The following CTXN2 variants were observed in gnomAD, a reference collection of about 807,000 sequenced individuals.
CTXN2 encodes cortexin 2, also known as cortexin-2.
CTXN2 carries 3 observed loss-of-function variants against 5.7 expected under a neutral mutation model. The observed-to-expected ratio is 0.53, with a 90% CI of 0.24 to 1.36. The LOEUF is 1.36. Ranked by LOEUF, CTXN2 falls within the 40% of genes most tolerant of loss-of-function variation. The probability of loss-of-function intolerance (pLI) is 0.17; values close to 1 mark genes in which losing one functional copy is unlikely to be tolerated. For synonymous variants in CTXN2, 38 were observed against 36.4 expected, an observed-to-expected ratio of 1.04 and a Z score of -0.16; for missense variants, 87 against 93.0, an observed-to-expected ratio of 0.94 and a Z score of 0.26.
In CTXN2 at chr15:48,202,423, A is replaced by C. The variant is rs942608942; in HGVS notation, c.*877A>C. 6.0e-6 allele frequency: 1 copy of C among 167,092 alleles called. No individual in the cohort carries two copies. The highest frequency in any genetic ancestry group is 2.4e-5 in the African/African-American group (1 of 41,458). The allele number at this position is 167,092 out of a possible 1,614,324, so 10.4% of individuals were successfully genotyped here. ...GCTACAAATGTATCTGAAAACCCAGAGATCTGAAATGAATGAGGATTTAAG... is the reference window on the plus strand; with the variant it reads ...GCTACAAATGTATCTGAAAACCCAGCGATCTGAAATGAATGAGGATTTAAG... On this transcript the variant is annotated 3_prime_UTR_variant, in exon 2 of 2. Coordinates refer to ENST00000417307, the MANE Select transcript of CTXN2 (RefSeq NM_001145668.2).
chr15:48,200,655 A>G (rs549118863), intron 1 of CTXN2, among the ~76,000 whole-genome samples: 1 of 152,328 alleles, frequency 6.6e-6, no homozygotes, highest in African/African-American at 2.4e-5. Context: ...TTTTAAAAAC[A>G]TAATTCCTCT....
At chr15:48,189,150 C>T (rs1397017485), upstream of CTXN2, 1 of 152,088 alleles carries the variant, frequency 6.6e-6, no homozygotes. Flanking sequence ...CCAACTAATA[C>T]CAAGGAACCT....
chr15:48,193,540 T>C (rs993885852), intron 1 of CTXN2, among the ~76,000 whole-genome samples: 38 of 150,402 alleles, frequency 2.5e-4, no homozygotes, highest in African/African-American at 9.4e-4. Flanking sequence ...CTCAGATTTC[T>C]TTTTTTTTCT....
At chr15:48,195,754 C>G (rs1259848493) in intron 1 of CTXN2, among the ~76,000 whole-genome samples, 1 of 151,836 alleles carries the variant, frequency 6.6e-6, no homozygotes, top group South Asian at 2.1e-4. Context: ...TTTTTTTCAC[C>G]AAGATGTTGA....
At position 48,201,374 on chromosome 15, in the gene CTXN2, T is replaced by A. The variant is rs1390025601; in HGVS notation, c.74T>A (p.Leu25Gln). 26 of 1,551,280 alleles carry A rather than the reference T, an allele frequency of 1.7e-5. No homozygotes were observed. Among genetic ancestry groups the A allele is most frequent in the Non-Finnish European group, 2.2e-5 (25 of 1,146,768 alleles). ...GAAGTATCAGCTTTCTCATTGACTC[T>A]GGAGCAAAAAACTGGCTTTGCTTTT... ...VNEVSAFSLT[L>Q]EQKTGFAFVG... The change falls in exon 2 of 2, where the codon CTG becomes CAG. Residue 25 changes from leucine to glutamine, a missense_variant. Leu to Gln is a moderately radical substitution (Grantham distance 113). Coordinates refer to ENST00000417307, the MANE Select transcript of CTXN2 (RefSeq NM_001145668.2).
chr15:48,190,447 A>C (rs1432008518), upstream of CTXN2, among the ~76,000 whole-genome samples: 1 of 152,192 alleles, frequency 6.6e-6, no homozygotes, highest in African/African-American at 2.4e-5. Flanking sequence ...ATCAAAAAAC[A>C]ACTTTTAAAA....
intron 1 of CTXN2, among the ~76,000 whole-genome samples, chr15:48,195,643 A>G (rs2040871318): frequency 6.6e-6 from 1 of 152,038 alleles, no homozygotes; most frequent in Non-Finnish European, 1.5e-5. Context: ...GTCTCTCAAG[A>G]CTCAGTTCAA....
At chr15:48,191,664 T>G (rs757472600), upstream of CTXN2, 7 of 452,506 alleles carry the variant, frequency 1.5e-5, no homozygotes, top group Non-Finnish European at 3.1e-5. Context: ...CCACGTCCTC[T>G]GTCTCACCAA....
chr15:48,180,646 G>A (rs537635872), intron 1 of CTXN2, among the ~76,000 whole-genome samples: 1 of 152,268 alleles, frequency 6.6e-6, no homozygotes, highest in South Asian at 2.1e-4. Flanking sequence ...TGAGTAGCTG[G>A]GACTACAGGC....
In CTXN2 at chr15:48,201,243, G is replaced by T; in HGVS notation, c.-57-1G>T. 6.5e-7 allele frequency: 1 copy of T among 1,536,068 alleles called. No individual in the cohort carries two copies. ...TAAACTGAGTCCAATTTTGTACCTA[G>T]GCAAAGAGTTGATTCCAGAAGGAAC... On this transcript the variant is annotated splice_acceptor_variant, in intron 1 of 1. Transcript: ENST00000417307. LOFTEE classifies it low-confidence loss of function (5UTR_SPLICE).
intron 1 of CTXN2, among the ~76,000 whole-genome samples, chr15:48,200,431 G>A (rs1447150141): frequency 6.6e-6 from 1 of 152,124 alleles, no homozygotes; most frequent in Non-Finnish European, 1.5e-5. Context: ...CAGCACAATA[G>A]GGACTTAGGA....
chr15:48,183,789 T>A (rs1043634116), intron 1 of CTXN2, among the ~76,000 whole-genome samples: 3 of 152,230 alleles, frequency 2.0e-5, no homozygotes, highest in Non-Finnish European at 2.9e-5. Flanking sequence ...AGAGACTGCA[T>A]GGTAGTACGG....
intron 1 of CTXN2, among the ~76,000 whole-genome samples, chr15:48,196,294 T>C (rs2040878787): frequency 6.6e-6 from 1 of 152,120 alleles, no homozygotes; most frequent in Non-Finnish European, 1.5e-5. Context: ...TTTTATGTTC[T>C]AGCTTCAACC....
chr15:48,194,112 G>A (rs2040853771), intron 1 of CTXN2, among the ~76,000 whole-genome samples: 1 of 151,804 alleles, frequency 6.6e-6, no homozygotes, highest in Non-Finnish European at 1.5e-5. Context: ...TCCTTGACCT[G>A]TATTTTGTTT....
At chr15:48,181,961 G>A (rs1190207230) in intron 1 of CTXN2, among the ~76,000 whole-genome samples, 1 of 152,118 alleles carries the variant, frequency 6.6e-6, no homozygotes, top group Non-Finnish European at 1.5e-5. Flanking sequence ...GTTTATATTT[G>A]AAATCTACAT....
At chr15:48,188,886 A>G (rs2040785351), upstream of CTXN2, among the ~76,000 whole-genome samples, 1 of 152,178 alleles carries the variant, frequency 6.6e-6, no homozygotes, top group African/African-American at 2.4e-5. Flanking sequence ...CTTCTTTGGC[A>G]ATGGCTAATA....
rs895792024 is a variant in CTXN2 at position 48,201,304 on chromosome 15, A to G, written c.4A>G (p.Ser2Gly). 7 of 1,551,122 alleles carry G rather than the reference A, an allele frequency of 4.5e-6. No individual in the cohort carries two copies. The highest frequency in any genetic ancestry group is 6.1e-6 in the Non-Finnish European group (7 of 1,146,640). ...CACAACAATGTGCCAGTGAATAATG[A>G]GTAGTACCTACTGTGGCAACTCTTC... M[S>G]STYCGNSSAK... Residue 2 changes from serine to glycine, a missense_variant, in exon 2 of 2, where the codon AGT becomes GGT. By Grantham distance (56) the Ser-to-Gly change is moderately conservative. Transcript: ENST00000417307.
chr15:48,181,246 T>A (rs1365405450), intron 1 of CTXN2, among the ~76,000 whole-genome samples: 1 of 152,234 alleles, frequency 6.6e-6, no homozygotes, highest in East Asian at 1.9e-4. Flanking sequence ...AGCTTCACAG[T>A]CATCGTGAAG....
upstream of CTXN2, among the ~76,000 whole-genome samples, chr15:48,187,416 G>A (rs1255652175): frequency 2.3e-5 from 3 of 131,804 alleles, no homozygotes; most frequent in East Asian, 1.6e-3. Flanking sequence ...GCTACCCAAT[G>A]TTTGAATCAA....
Sources: gnomAD v4.1 joint callset for allele counts (sites outside exome capture counted in the v4.1 genomes callset) on GRCh38, gnomAD v4.1.1 for gene constraint, MANE v1.5 for transcripts, NCBI Gene and HGNC (gene_info 2026-07-23, HGNC 2026-07-21) for gene names.